TEKT5: variants seen among roughly 807,000 people sequenced by gnomAD.
TEKT5 encodes tektin 5, also known as tektin-5.
TEKT5 carries 52 observed loss-of-function variants against 48.7 expected under a neutral mutation model. That is an observed-to-expected ratio of 1.07 (90% CI 0.86 to 1.35). The LOEUF is 1.35. Among genes scored for constraint, TEKT5 ranks in the 40% most tolerant of loss-of-function variants. The probability of loss-of-function intolerance (pLI) is 0.00; values close to 1 mark genes in which losing one functional copy is unlikely to be tolerated. For missense variants in TEKT5, 831 were observed against 641.6 expected (o/e 1.30, Z -3.19); for synonymous variants, 318 against 267.6 (o/e 1.19, Z -1.84).
chr16:10,672,294 A>G, intron 5 of TEKT5, among the ~76,000 whole-genome samples: 1 of 152,140 alleles, frequency 6.6e-6, no homozygotes, highest in East Asian at 1.9e-4. Context: ...TCAACATTGC[A>G]GGCTGGGCAT....
chr16:10,636,126 G>C (rs62025769), intron 5 of TEKT5, among the ~76,000 whole-genome samples: 1 of 152,108 alleles, frequency 6.6e-6, no homozygotes, highest in African/African-American at 2.4e-5. Flanking sequence ...TGTAATCCCA[G>C]CACTTTGGGA....
At chr16:10,672,174 G>A (rs929560087) in intron 5 of TEKT5, among the ~76,000 whole-genome samples, 1 of 151,876 alleles carries the variant, frequency 6.6e-6, no homozygotes. Flanking sequence ...TATGTTATGT[G>A]TATTTTACCA....
At position 10,646,903 on chromosome 16, in the gene TEKT5, G is replaced by T. The variant is rs182396668; in HGVS notation, c.1087-10985C>A. Reference sequence around the variant, plus strand: ...TGTGAGTGGCATATAAACACTCAATGCGGCAACACCTCTCTTGGAAGCCCT... The same window carrying T: ...TGTGAGTGGCATATAAACACTCAATTCGGCAACACCTCTCTTGGAAGCCCT... On this transcript the variant is annotated intron_variant, in intron 5 of 6. Transcript: ENST00000283025. Among the ~76,000 whole-genome samples, 12 of 152,316 alleles carry T rather than the reference G, an allele frequency of 7.9e-5. No individual in the cohort carries two copies. The East Asian group carries it at 1.2e-3, about 15-fold the overall frequency.
At position 10,627,767 on chromosome 16, in the gene TEKT5, G is replaced by A; in HGVS notation, c.1274C>T (p.Thr425Ile). ...LVNEVFTIDDTLQTLKLRLRE... is the reference protein window; with the variant it reads ...LVNEVFTIDDILQTLKLRLRE... ...CAGCCGCAGCTTGAGGGTCTGCAGG[G>A]TGTCGTCGATGGTGAACACCTCGTT... Residue 425 changes from threonine (T) to isoleucine (I), a missense_variant, in exon 7 of 7, where the codon ACC becomes ATC. Transcript: ENST00000283025. 2 of 1,614,260 alleles carry A rather than the reference G, an allele frequency of 1.2e-6. No homozygotes were observed. Among genetic ancestry groups the A allele is most frequent in the Non-Finnish European group, 1.7e-6 (2 of 1,180,048 alleles).
intron 2 of TEKT5, among the ~76,000 whole-genome samples, 185 bp from the exon 3 acceptor site, chr16:10,689,508 G>T (rs1364528838): frequency 2.1e-5 from 3 of 139,806 alleles, no homozygotes; most frequent in African/African-American, 8.0e-5. Flanking sequence ...AGGGTTGATT[G>T]TGGAGGCTCC....
intron 4 of TEKT5, among the ~76,000 whole-genome samples, chr16:10,679,784 C>A: frequency 6.6e-6 from 1 of 152,146 alleles, no homozygotes; most frequent in Admixed American, 6.5e-5. Flanking sequence ...GTAATCCCAG[C>A]TACTCAGGAG....
Position 10,633,178 on chromosome 16 carries a change from TG to T in TEKT5, c.1241+2585del, listed in dbSNP as rs1897864535. Among the ~76,000 whole-genome samples, 6 of 152,156 alleles carry T rather than the reference TG, an allele frequency of 3.9e-5. No individual in the cohort carries two copies. The South Asian group carries it at 1.2e-3, about 32-fold the overall frequency. ...GAGTTTGAGACCAGCCTGACCAACA[TG>T]GTGAAACCCTGACTCTACTAACAAT... On this transcript the variant is annotated intron_variant, in intron 6 of 6. Transcript: ENST00000283025.
At chr16:10,650,231 G>C (rs1219818365) in intron 5 of TEKT5, among the ~76,000 whole-genome samples, 1 of 151,668 alleles carries the variant, frequency 6.6e-6, no homozygotes, top group Non-Finnish European at 1.5e-5. Context: ...GATTACAGTA[G>C]CTGGGATTAC....
chr16:10,656,138 T>G, intron 5 of TEKT5, among the ~76,000 whole-genome samples: 1 of 152,204 alleles, frequency 6.6e-6, no homozygotes, highest in East Asian at 1.9e-4. Flanking sequence ...CTCTACCCAC[T>G]AGATGCCAGT....
chr16:10,653,867 C>T (rs915443549), intron 5 of TEKT5, among the ~76,000 whole-genome samples: 3 of 152,150 alleles, frequency 2.0e-5, no homozygotes, highest in Admixed American at 6.5e-5. Flanking sequence ...GAGCCGAGAC[C>T]GAGCCATTGC....
intron 3 of TEKT5, among the ~76,000 whole-genome samples, chr16:10,686,059 C>T (rs1438946651): frequency 6.6e-6 from 1 of 152,166 alleles, no homozygotes; most frequent in Admixed American, 6.6e-5. Context: ...AAATGGAAAA[C>T]CATTCTCTCT....
At position 10,627,561 on chromosome 16, in the gene TEKT5, G is replaced by A; in HGVS notation, c.*22C>T. 6.2e-7 allele frequency: 1 copy of A among 1,611,782 alleles called. No homozygotes were observed. On this transcript the variant is annotated 3_prime_UTR_variant, in exon 7 of 7. Transcript: ENST00000283025. ...CCTTTTCCAATTTTACGCCAGCGCG[G>A]AATGAGGCGCCAGGGCGGTGCTCAG...
At chr16:10,663,341 A>G (rs1898406579) in intron 5 of TEKT5, among the ~76,000 whole-genome samples, 1 of 152,192 alleles carries the variant, frequency 6.6e-6, no homozygotes, top group Non-Finnish European at 1.5e-5. Flanking sequence ...TGGAAGGAAA[A>G]AAATGGATTT....
intron 3 of TEKT5, 121 bp from the exon 4 acceptor site, chr16:10,682,257 G>C (rs1224026636): frequency 1.8e-6 from 2 of 1,124,328 alleles, no homozygotes; most frequent in Middle Eastern, 2.9e-4. Flanking sequence ...TAGCTTCTCA[G>C]TCCTCTTCCC....
At chr16:10,647,100 C>A (rs1898080810) in intron 5 of TEKT5, among the ~76,000 whole-genome samples, 1 of 152,108 alleles carries the variant, frequency 6.6e-6, no homozygotes, top group Admixed American at 6.6e-5. Context: ...ACAGCCCCTA[C>A]CATCTAGGCG....
Position 10,689,245 on chromosome 16 carries a change from G to T in TEKT5, c.719+8C>A. ...GGAGAGGGAATTAAAAAAAAAAAAA[G>T]CCCTTACCGCATCTGGATATCAATT... On this transcript the variant is annotated splice_region_variant and intron_variant, in intron 3 of 6. Transcript: ENST00000283025. 4 of 1,558,200 alleles carry T rather than the reference G, an allele frequency of 2.6e-6. No homozygotes were observed. Among genetic ancestry groups the T allele is most frequent in the African/African-American group, 1.4e-5 (1 of 70,608 alleles).
chr16:10,683,808 G>C (rs1898803417), intron 3 of TEKT5, among the ~76,000 whole-genome samples: 1 of 152,184 alleles, frequency 6.6e-6, no homozygotes, highest in African/African-American at 2.4e-5. Context: ...AGCCAGGCTG[G>C]TCTTGAACTC....
At chr16:10,691,720 G>A (rs1898980698) in intron 1 of TEKT5, among the ~76,000 whole-genome samples, 1 of 152,104 alleles carries the variant, frequency 6.6e-6, no homozygotes, top group East Asian at 1.9e-4. Flanking sequence ...AGGCTGAGGT[G>A]GGCGGATCAC....
rs559867382 is a variant in TEKT5 at position 10,689,469 on chromosome 16, A to C, written c.649-146T>G. Reference sequence around the variant, plus strand: ...AATGTCAGCGTGGGGCCCCGCCTCAATCCACGTGACCCCAGGGCCAGGCAG... The same window carrying C: ...AATGTCAGCGTGGGGCCCCGCCTCACTCCACGTGACCCCAGGGCCAGGCAG... On this transcript the variant is annotated intron_variant, in intron 2 of 6. Transcript: ENST00000283025. The C allele has an allele frequency of 2.9e-5, 19 of 648,572 alleles. 1 individual carries two copies. In the Admixed American group the frequency reaches 5.1e-4, roughly 17 times the overall value. 40.2% of individuals were successfully genotyped at this position (648,572 alleles called of 1,614,324 possible).
Sources: gnomAD v4.1 joint callset for allele counts (sites outside exome capture counted in the v4.1 genomes callset) on GRCh38, gnomAD v4.1.1 for gene constraint, MANE v1.5 for transcripts, NCBI Gene and HGNC (gene_info 2026-07-23, HGNC 2026-07-21) for gene names.